MAP3K15: variants seen among roughly 807,000 people sequenced by gnomAD.
MAP3K15 encodes mitogen-activated protein kinase kinase kinase 15.
MAP3K15 carries 124 observed loss-of-function variants against 99.5 expected under a neutral mutation model. That is an observed-to-expected ratio of 1.25 (90% CI 1.08 to 1.45). MAP3K15 has a LOEUF of 1.45. Ranked by LOEUF, MAP3K15 falls within the 40% of genes most tolerant of loss-of-function variation. The probability of loss-of-function intolerance (pLI) is 0.00; values close to 1 mark genes in which losing one functional copy is unlikely to be tolerated. For missense variants in MAP3K15, 1,242 were observed against 1,079.7 expected (o/e 1.15, Z -2.11); for synonymous variants, 494 against 439.6 (o/e 1.12, Z -1.55).
chrX:19,436,115 T>C (rs1355620166), intron 6 of MAP3K15, among the ~76,000 whole-genome samples: 2 of 106,359 alleles, frequency 1.9e-5, no homozygotes, highest in Admixed American at 1.0e-4. Context: ...GATCGCACCA[T>C]TGTCCTCCAG....
At chrX:19,438,042 G>A (rs1012803525) in intron 6 of MAP3K15, among the ~76,000 whole-genome samples, 3 of 111,797 alleles carry the variant, frequency 2.7e-5, no homozygotes, top group African/African-American at 6.5e-5. Context: ...GAGTTTAGAG[G>A]GATAACTGCT....
At chrX:19,482,780 AAAAAC>A (rs1189622388) in intron 3 of MAP3K15, among the ~76,000 whole-genome samples, 2 of 111,179 alleles carry the variant, frequency 1.8e-5, no homozygotes, top group African/African-American at 6.5e-5. Context: ...AGCATTTCAA[AAAAAC>A]AAAACAAAAC....
Position 19,361,395 on chromosome X carries a change from T to G in MAP3K15, c.3801A>C (p.Thr1267=), listed in dbSNP as rs371285733. Residue 1267 remains threonine, a synonymous_variant, in exon 28 of 29, where the codon ACA becomes ACC. Transcript: ENST00000338883. ...TIEKIVEEGY[T]LSDILNEITK... is the part of the protein sequence containing the mutation. ...TGATCTCATTAAGAATATCCGAAAGTGTATAACCCTCTTCAACAATCTGAA... is the reference window on the plus strand; with the variant it reads ...TGATCTCATTAAGAATATCCGAAAGGGTATAACCCTCTTCAACAATCTGAA... The G allele has an allele frequency of 1.7e-6, 2 of 1,208,239 alleles. No individual in the cohort carries two copies. Among genetic ancestry groups the G allele is most frequent in the South Asian group, 1.8e-5 (1 of 56,713 alleles).
chrX:19,363,654 T>G (rs1481502578), intron 25 of MAP3K15, among the ~76,000 whole-genome samples: 1 of 94,171 alleles, frequency 1.1e-5, no homozygotes, highest in African/African-American at 6.1e-5. Flanking sequence ...TATTTTGTTT[T>G]TGTTTTTTTT....
intron 9 of MAP3K15, among the ~76,000 whole-genome samples, chrX:19,423,796 G>A (rs1055243347): frequency 4.5e-5 from 5 of 111,528 alleles, no homozygotes; most frequent in Non-Finnish European, 9.4e-5. Context: ...CTATGCTAAC[G>A]ATATGATTCA....
In MAP3K15 at chrX:19,425,840, C is replaced by T. The variant is rs143268400; in HGVS notation, c.1280-150G>A. On this transcript the variant is annotated intron_variant, in intron 8 of 28. Coordinates refer to ENST00000338883, the MANE Select transcript of MAP3K15 (RefSeq NM_001001671.4). ...CTTTTGAAATATAATTCTAGTAGTA[C>T]GGGCACGGTGGCTCACGCCTGTAAT... is the stretch of plus-strand genomic sequence containing the variant. 3,258 of 567,269 alleles carry T rather than the reference C, an allele frequency of 5.7e-3. 89 individuals are homozygous for T. In the African/African-American group the frequency reaches 0.067, roughly 12 times the overall value. The allele number at this position is 567,269 out of a possible 1,213,427, so 46.7% of individuals were successfully genotyped here. A position where few individuals can be genotyped will look rare whatever the true frequency, so the allele number is the denominator to read the frequency against.
intron 12 of MAP3K15, among the ~76,000 whole-genome samples, chrX:19,408,809 A>G (rs1178292341): frequency 1.8e-5 from 2 of 111,837 alleles, no homozygotes; most frequent in African/African-American, 6.5e-5. Context: ...ACATTTAAAG[A>G]AAGGCCTTTC....
chrX:19,510,538 A>G (rs1490755222), intron 1 of MAP3K15, among the ~76,000 whole-genome samples: 12 of 112,343 alleles, frequency 1.1e-4, no homozygotes, highest in African/African-American at 3.6e-4. Flanking sequence ...TTGATGGAAC[A>G]TATCTCAAAA....
intron 4 of MAP3K15, 55 bp from the exon 5 acceptor site, chrX:19,460,208 GTCTTGCGCCC>G: frequency 1.1e-6 from 1 of 888,744 alleles, no homozygotes; most frequent in Non-Finnish European, 1.5e-6. Context: ...ACCCAGGACT[GTCTTGCGCCC>G]AAAATGGTTC....
At chrX:19,447,400 G>GT (rs1365620617) in intron 6 of MAP3K15, among the ~76,000 whole-genome samples, 227 of 111,745 alleles carry the variant, frequency 2.0e-3, no homozygotes, top group Non-Finnish European at 3.6e-3. Context: ...CTACATTGCT[G>GT]AAATAAGAGC....
intron 3 of MAP3K15, among the ~76,000 whole-genome samples, chrX:19,465,897 T>G (rs2064165717): frequency 9.2e-6 from 1 of 108,599 alleles, no homozygotes; most frequent in African/African-American, 3.4e-5. Flanking sequence ...TATCTACTTC[T>G]TCACAGCCAC....
intron 6 of MAP3K15, among the ~76,000 whole-genome samples, chrX:19,446,223 C>T (rs1018111800): frequency 8.9e-6 from 1 of 111,772 alleles, no homozygotes; most frequent in African/African-American, 3.2e-5. Context: ...TCCCTGGGAA[C>T]GGTGACGTAA....
chrX:19,365,899 C>T (rs186973367), intron 25 of MAP3K15, among the ~76,000 whole-genome samples: 2 of 102,951 alleles, frequency 1.9e-5, no homozygotes, highest in Admixed American at 1.1e-4. Context: ...CCCAGGTACT[C>T]GGGAGGCTGA....
In MAP3K15 at chrX:19,374,614, G is replaced by A; in HGVS notation, c.2636C>T (p.Ala879Val). The change falls in exon 20 of 29, where the codon GCT (alanine) becomes GTT (valine). Residue 879 changes from alanine (A) to valine (V), a missense_variant. Physicochemically the swap from Ala to Val is moderately conservative, Grantham distance 64. Transcript: ENST00000338883. ...GGATAAAATGAAGGCTCGGGCTTCA[G>A]CTGAAAGGGCTTCTGGAATCTCAGG... ...IHPEIPEALS[A>V]EARAFILSCF... The A allele has an allele frequency of 8.3e-7, 1 of 1,211,376 alleles. No individual in the cohort carries two copies. Among genetic ancestry groups the A allele is most frequent in the Non-Finnish European group, 1.1e-6 (1 of 895,287 alleles).
At position 19,372,646 on chromosome X, in the gene MAP3K15, C is replaced by T. The variant is rs778221265; in HGVS notation, c.3108+7G>A. On this transcript the variant is annotated splice_region_variant and intron_variant, in intron 22 of 28. Coordinates refer to ENST00000338883, the MANE Select transcript of MAP3K15 (RefSeq NM_001001671.4). The stretch of plus-strand genomic sequence containing the variant: ...GGAAGAGTCGGTGCCCTCCCTCGGG[C>T]AAATACCTGGGCCACACACTCCTGC... 3 of 1,195,459 alleles carry T rather than the reference C, an allele frequency of 2.5e-6. No homozygotes were observed. The highest frequency in any genetic ancestry group is 3.5e-5 in the African/African-American group (2 of 56,721).
chrX:19,374,623 GC>G lies in MAP3K15; in HGVS notation c.2626del (p.Ala876ProfsTer28), dbSNP rs1569202378. 8.3e-7 allele frequency: 1 copy of G among 1,211,402 alleles called. No individual in the cohort carries two copies. The highest frequency in any genetic ancestry group is 2.2e-5 in the Admixed American group (1 of 45,955). On this transcript the variant is annotated frameshift_variant, in exon 20 of 29. Transcript: ENST00000338883. LOFTEE classifies it high-confidence loss of function. ...MFKIHPEIPEALSAEARAFIL... is the reference protein window; with the variant it reads ...MFKIHPEIPEXLSAEARAFIL... Reference sequence around the variant, plus strand: ...GAAGGCTCGGGCTTCAGCTGAAAGGGCTTCTGGAATCTCAGGGTGGATCTTA... The same window carrying G: ...GAAGGCTCGGGCTTCAGCTGAAAGGGTTCTGGAATCTCAGGGTGGATCTTA...
chrX:19,402,316 A>T (rs143409283), intron 13 of MAP3K15, among the ~76,000 whole-genome samples: 1,342 of 110,531 alleles, frequency 0.012, 21 homozygotes, highest in African/African-American at 0.043. Flanking sequence ...ATAAAAGATG[A>T]TATCAACTGT....
intron 1 of MAP3K15, among the ~76,000 whole-genome samples, chrX:19,505,454 G>A (rs1290549657): frequency 1.8e-5 from 2 of 112,142 alleles, no homozygotes; most frequent in Non-Finnish European, 3.8e-5. Flanking sequence ...AAAATCCAAA[G>A]TGGATATTCC....
rs766801118 is a variant in MAP3K15, at chrX:19,392,481, C to T, written c.2195-8G>A. 8 of 1,197,282 alleles carry T rather than the reference C, an allele frequency of 6.7e-6. No individual in the cohort carries two copies. Among genetic ancestry groups the T allele is most frequent in the Non-Finnish European group, 9.0e-6 (8 of 890,382 alleles). On this transcript the variant is annotated splice_polypyrimidine_tract_variant and splice_region_variant and intron_variant, in intron 16 of 28. Coordinates refer to ENST00000338883, the MANE Select transcript of MAP3K15 (RefSeq NM_001001671.4). ...GAAGAGCAGAAAGGCTTCCTAGAGA[C>T]AGTCACAGCAAAAAACTTATCAGGA...
Sources: allele counts gnomAD v4.1 joint callset (sites outside exome capture counted in the v4.1 genomes callset), GRCh38; gene constraint gnomAD v4.1.1; transcripts MANE v1.5; gene names NCBI Gene and HGNC (gene_info 2026-07-23, HGNC 2026-07-21).